TBC1D21: variants seen among roughly 807,000 people sequenced by gnomAD.
The protein encoded by TBC1D21 is TBC1 domain family member 21, also known as male germ cell Rab GTPase-activating protein.
A neutral mutation model predicts 46.0 loss-of-function variants in TBC1D21; 38 were observed. The observed-to-expected ratio is 0.83, with a 90% CI of 0.64 to 1.08. The LOEUF (loss-of-function observed/expected upper bound fraction) is 1.08, where lower values mean the gene tolerates loss of function less well. Ranked by LOEUF, TBC1D21 falls within the 50% of genes least tolerant of loss-of-function variation. The pLI is 0.00. For synonymous variants in TBC1D21, 151 were observed against 157.2 expected, an observed-to-expected ratio of 0.96 and a Z score of 0.29; for missense variants, 415 against 417.9, an observed-to-expected ratio of 0.99 and a Z score of 0.06.
At chr15:73,898,884 T>A in the TBC1D21 span, among the ~76,000 whole-genome samples, 1,140 of 55,786 alleles carry the variant, frequency 0.02, 13 homozygotes, top group African/African-American at 0.044. Context: ...AAAAAAAATA[T>A]ATATATATAT....
At chr15:73,905,915 C>T in the TBC1D21 span, among the ~76,000 whole-genome samples, 1 of 152,244 alleles carries the variant, frequency 6.6e-6, no homozygotes, top group South Asian at 2.1e-4. Context: ...GATCATTGTG[C>T]CTCCCCATCA....
chr15:73,885,095 C>A lies in TBC1D21; in HGVS notation c.571C>A (p.Gln191Lys), dbSNP rs753970285. The A allele has an allele frequency of 6.2e-7, 1 of 1,612,484 alleles. No homozygotes were observed. Among genetic ancestry groups the A allele is most frequent in the South Asian group, 1.1e-5 (1 of 91,072 alleles). ...CTTCTGGCTTTTCCAGTTCTTCCTG[C>A]AGAAAACGGTGAGGGCAAGGCCTGA... is the stretch of plus-strand genomic sequence containing the variant. ...ETFWLFQFFL[Q>K]KTEHSCVINI... Residue 191 changes from glutamine (Q) to lysine (K), a missense_variant, in exon 6 of 11, where the codon CAG (glutamine) becomes AAG (lysine). Physicochemically the swap from Gln to Lys is moderately conservative, Grantham distance 53. Coordinates refer to ENST00000300504, the MANE Select transcript of TBC1D21 (RefSeq NM_153356.3).
intron 3 of TBC1D21, among the ~76,000 whole-genome samples, chr15:73,883,913 A>G (rs1431419651): frequency 6.6e-6 from 1 of 152,222 alleles, no homozygotes; most frequent in African/African-American, 2.4e-5. Context: ...ATTCAGGTGC[A>G]GCGTTTGGAG....
chr15:73,902,219 C>T, the TBC1D21 span, among the ~76,000 whole-genome samples: 5 of 152,186 alleles, frequency 3.3e-5, no homozygotes, highest in African/African-American at 4.8e-5. Flanking sequence ...CCTACCACAC[C>T]GAAGAACCTA....
the TBC1D21 span, among the ~76,000 whole-genome samples, chr15:73,899,961 G>A: frequency 6.6e-6 from 1 of 152,154 alleles, no homozygotes; most frequent in Non-Finnish European, 1.5e-5. Flanking sequence ...AGGGCTTTGA[G>A]GTGGGCAGCC....
At chr15:73,878,291 T>G (rs4528522) in intron 1 of TBC1D21, among the ~76,000 whole-genome samples, 9,909 of 152,170 alleles carry the variant, frequency 0.065, 784 homozygotes, top group East Asian at 0.2. Context: ...TGAGTGGGTG[T>G]GGCTGTATCC....
downstream of TBC1D21, among the ~76,000 whole-genome samples, chr15:73,892,576 C>T (rs898546906): frequency 1.3e-5 from 2 of 152,236 alleles, no homozygotes; most frequent in African/African-American, 4.8e-5. Context: ...AGCCAGCACC[C>T]ATACCAGCAT....
chr15:73,881,576 C>A (rs550475389), intron 2 of TBC1D21, 68 bp from the exon 3 acceptor site: 3 of 1,598,322 alleles, frequency 1.9e-6, no homozygotes, highest in African/African-American at 1.3e-5. Flanking sequence ...GCAGGTGTGG[C>A]GTTGGATGAA....
chr15:73,892,283 G>A (rs1407377039), downstream of TBC1D21, among the ~76,000 whole-genome samples: 1 of 152,152 alleles, frequency 6.6e-6, no homozygotes, highest in East Asian at 1.9e-4. Context: ...CTGGATGTGG[G>A]ACAAAACTTG....
intron 5 of TBC1D21, 50 bp from the exon 6 acceptor site, chr15:73,884,953 T>A (rs752586790): frequency 6.2e-7 from 1 of 1,605,488 alleles, no homozygotes; most frequent in East Asian, 2.2e-5. Context: ...AAGCCAAGGG[T>A]CCAGGCTCTC....
At chr15:73,874,545 CCA>C (rs138108474) in intron 1 of TBC1D21, among the ~76,000 whole-genome samples, 298 of 152,286 alleles carry the variant, frequency 2.0e-3, no homozygotes, top group African/African-American at 6.7e-3. Context: ...GAACATGGAG[CCA>C]CAGAGACTTT....
the TBC1D21 span, among the ~76,000 whole-genome samples, chr15:73,899,923 C>T: frequency 6.6e-6 from 1 of 152,216 alleles, no homozygotes; most frequent in Admixed American, 6.5e-5. Flanking sequence ...GGCCTCTGTG[C>T]CAGAAGTCTG....
In TBC1D21 at chr15:73,886,529, G is replaced by C; in HGVS notation, c.694G>C (p.Ala232Pro). Residue 232 changes from alanine (A) to proline (P), a missense_variant, in exon 8 of 11, where the codon GCT becomes CCT. By Grantham distance (27) the Ala-to-Pro change is conservative. Coordinates refer to ENST00000300504, the MANE Select transcript of TBC1D21 (RefSeq NM_153356.3). ...AEHLKGKGAGAVQSLFPWFCF... is the reference protein window; with the variant it reads ...AEHLKGKGAGPVQSLFPWFCF... ...CCCCACAGAAGGGAAGGGTGCAGGGGCTGTGCAGTCCCTCTTCCCCTGGTT... is the reference window on the plus strand; with the variant it reads ...CCCCACAGAAGGGAAGGGTGCAGGGCCTGTGCAGTCCCTCTTCCCCTGGTT... 1 of 1,613,666 alleles carries C rather than the reference G, an allele frequency of 6.2e-7. No homozygotes were observed.
the TBC1D21 span, among the ~76,000 whole-genome samples, chr15:73,907,099 C>G: frequency 6.6e-6 from 1 of 151,638 alleles, no homozygotes; most frequent in African/African-American, 2.4e-5. Context: ...TCCTCCTCCT[C>G]CTTCTCCTCC....
At chr15:73,909,370 C>CA in the TBC1D21 span, among the ~76,000 whole-genome samples, 87,132 of 150,762 alleles carry the variant, frequency 0.58, 25,878 homozygotes, top group East Asian at 0.92. Flanking sequence ...GACTCCATCT[C>CA]AAAAAAAAAT....
At chr15:73,902,490 C>G in the TBC1D21 span, among the ~76,000 whole-genome samples, 1 of 152,194 alleles carries the variant, frequency 6.6e-6, no homozygotes, top group Non-Finnish European at 1.5e-5. Context: ...GCCTCTCAGC[C>G]TATGTCACAT....
intron 9 of TBC1D21, among the ~76,000 whole-genome samples, chr15:73,888,144 G>A (rs191401594): frequency 1.7e-4 from 26 of 152,298 alleles, no homozygotes; most frequent in South Asian, 1.0e-3. Flanking sequence ...CAAATCTTAG[G>A]TGACACCCTA....
At chr15:73,885,678 A>T (rs1281026674) in intron 6 of TBC1D21, among the ~76,000 whole-genome samples, 1 of 149,978 alleles carries the variant, frequency 6.7e-6, no homozygotes, top group African/African-American at 2.5e-5. Flanking sequence ...CCTCCACCCC[A>T]CCATCCCTGC....
intron 3 of TBC1D21, among the ~76,000 whole-genome samples, chr15:73,883,244 T>TG (rs1286007725): frequency 3.3e-5 from 5 of 152,212 alleles, no homozygotes; most frequent in Admixed American, 3.3e-4. Context: ...GTGTGAGGGC[T>TG]GGGCTAGGGA....
Sources: gnomAD v4.1 joint callset for allele counts (sites outside exome capture counted in the v4.1 genomes callset) on GRCh38, gnomAD v4.1.1 for gene constraint, MANE v1.5 for transcripts, NCBI Gene and HGNC (gene_info 2026-07-23, HGNC 2026-07-21) for gene names.